Variants in SLC39A11 observed in about 807,000 individuals in gnomAD.
The protein encoded by SLC39A11 is zinc transporter ZIP11.
In SLC39A11, 33 loss-of-function variants were observed where a neutral mutation model predicts 36.1. The ratio of observed to expected loss-of-function variants is 0.91; its 90% CI spans 0.69 to 1.22. The LOEUF is 1.22. Among genes scored for constraint, SLC39A11 ranks in the 50% most tolerant of loss-of-function variants. The pLI is 0.00. For missense variants in SLC39A11, 432 were observed against 430.3 expected, an observed-to-expected ratio of 1.00 and a Z score of -0.03; for synonymous variants, 166 against 170.3, an observed-to-expected ratio of 0.97 and a Z score of 0.20.
intron 7 of SLC39A11, among the ~76,000 whole-genome samples, chr17:72,672,765 ATTT>A (rs1314759944): frequency 6.6e-6 from 1 of 151,704 alleles, no homozygotes; most frequent in Non-Finnish European, 1.5e-5. Context: ...TGCTCAGCTA[ATTT>A]TTTTTATTTT....
intron 6 of SLC39A11, among the ~76,000 whole-genome samples, chr17:72,807,858 C>G (rs2077312954): frequency 6.6e-6 from 1 of 152,116 alleles, no homozygotes; most frequent in African/African-American, 2.4e-5. Context: ...CGTGGGAACC[C>G]CTGATCTACA....
intron 6 of SLC39A11, among the ~76,000 whole-genome samples, chr17:72,746,207 T>A (rs1391587960): frequency 6.6e-6 from 1 of 152,028 alleles, no homozygotes; most frequent in Non-Finnish European, 1.5e-5. Context: ...CCTCATAACA[T>A]CCCTCAGGCC....
At chr17:72,791,992 T>C (rs1326413265) in intron 6 of SLC39A11, among the ~76,000 whole-genome samples, 1 of 152,208 alleles carries the variant, frequency 6.6e-6, no homozygotes, top group South Asian at 2.1e-4. Flanking sequence ...ACATGTAGTA[T>C]GATAACTTCT....
chr17:72,652,951 G>T (rs1436168146), intron 7 of SLC39A11, among the ~76,000 whole-genome samples: 2 of 152,056 alleles, frequency 1.3e-5, no homozygotes, highest in East Asian at 1.9e-4. Flanking sequence ...ACATATAGAA[G>T]AATTCCTTCT....
chr17:72,947,471 G>T, intron 5 of SLC39A11: 3 of 483,088 alleles, frequency 6.2e-6, no homozygotes, highest in Non-Finnish European at 1.1e-5. Flanking sequence ...ATCACCATCA[G>T]AGTGACCCCA....
intron 4 of SLC39A11, among the ~76,000 whole-genome samples, chr17:72,988,517 C>A (rs1231607212): frequency 3.3e-5 from 5 of 152,096 alleles, no homozygotes; most frequent in Admixed American, 3.3e-4. Context: ...TGACTCTAGT[C>A]ACCCTACTGT....
intron 6 of SLC39A11, among the ~76,000 whole-genome samples, chr17:72,840,879 C>T (rs1327102002): frequency 1.3e-5 from 2 of 151,780 alleles, no homozygotes; most frequent in East Asian, 2.0e-4. Flanking sequence ...CACGGTGAAA[C>T]CCCGTCTCTA....
At chr17:73,012,374 T>C (rs1444216783) in intron 4 of SLC39A11, among the ~76,000 whole-genome samples, 1 of 152,214 alleles carries the variant, frequency 6.6e-6, no homozygotes, top group African/African-American at 2.4e-5. Context: ...GTGATCGTTA[T>C]ACGTGACTAT....
intron 6 of SLC39A11, among the ~76,000 whole-genome samples, chr17:72,754,002 A>G (rs2075257488): frequency 6.8e-6 from 1 of 147,832 alleles, no homozygotes; most frequent in Admixed American, 6.8e-5. Flanking sequence ...GGATAAAGAA[A>G]CTGTGATATG....
chr17:72,912,270 C>T (rs1289291105), intron 5 of SLC39A11, among the ~76,000 whole-genome samples: 7 of 151,812 alleles, frequency 4.6e-5, no homozygotes, highest in African/African-American at 1.7e-4. Context: ...TGGAACTTCA[C>T]GATGTCTACA....
chr17:73,054,741 C>T (rs556021139), intron 3 of SLC39A11, among the ~76,000 whole-genome samples: 1 of 146,672 alleles, frequency 6.8e-6, no homozygotes, highest in African/African-American at 2.5e-5. Context: ...CTGAGAGGCA[C>T]AGGTTGCAGT....
chr17:72,722,485 T>C (rs2073728704), intron 7 of SLC39A11, among the ~76,000 whole-genome samples: 1 of 151,940 alleles, frequency 6.6e-6, no homozygotes, highest in Non-Finnish European at 1.5e-5. Flanking sequence ...GTTTTCATAT[T>C]GTTTTACAGA....
intron 3 of SLC39A11, among the ~76,000 whole-genome samples, chr17:73,039,759 T>A (rs2059048376): frequency 6.6e-6 from 1 of 152,220 alleles, no homozygotes; most frequent in Admixed American, 6.5e-5. Flanking sequence ...TGAAGTCTAC[T>A]GATAGAATCA....
intron 4 of SLC39A11, among the ~76,000 whole-genome samples, chr17:72,961,705 G>A (rs148498130): frequency 0.05 from 7,523 of 151,910 alleles, 203 homozygotes; most frequent in Non-Finnish European, 0.061. Flanking sequence ...ACTTGGACAC[G>A]GGGCGGGGAA....
intron 5 of SLC39A11, among the ~76,000 whole-genome samples, chr17:72,900,197 GAAA>G (rs1567912947): frequency 6.9e-6 from 1 of 145,908 alleles, no homozygotes; most frequent in Non-Finnish European, 1.5e-5. Flanking sequence ...AAGAAAGAAA[GAAA>G]GAAAGAAAGA....
At chr17:72,786,125 C>T (rs2076505531) in intron 6 of SLC39A11, among the ~76,000 whole-genome samples, 1 of 152,174 alleles carries the variant, frequency 6.6e-6, no homozygotes. Context: ...TATGGCATAA[C>T]CTTGGGTTTT....
intron 7 of SLC39A11, among the ~76,000 whole-genome samples, chr17:72,729,421 A>T (rs1464676066): frequency 1.6e-3 from 3 of 1,906 alleles, no homozygotes; most frequent in Non-Finnish European, 2.0e-3. Flanking sequence ...ATATATATAT[A>T]TATATATATA....
At chr17:73,018,409 G>A (rs562570494) in intron 4 of SLC39A11, among the ~76,000 whole-genome samples, 8 of 152,096 alleles carry the variant, frequency 5.3e-5, no homozygotes, top group African/African-American at 1.2e-4. Flanking sequence ...TTATCCACAC[G>A]TGATGGCAGG....
intron 5 of SLC39A11, among the ~76,000 whole-genome samples, chr17:72,942,445 G>A (rs868839118): frequency 2.0e-5 from 3 of 152,100 alleles, no homozygotes; most frequent in African/African-American, 7.2e-5. Flanking sequence ...CCAATAAAAA[G>A]TCAAAATTAA....
Sources: allele counts gnomAD v4.1 joint callset (sites outside exome capture counted in the v4.1 genomes callset), GRCh38; gene constraint gnomAD v4.1.1; transcripts MANE v1.5; gene names NCBI Gene and HGNC (gene_info 2026-07-23, HGNC 2026-07-21).